The following RGS7 variants were observed in gnomAD, a reference collection of about 807,000 sequenced individuals.
RGS7 encodes the protein regulator of G-protein signaling 7.
A neutral mutation model predicts 81.1 loss-of-function variants in RGS7; 27 were observed. The observed-to-expected ratio is 0.33, with a 90% CI of 0.25 to 0.46. RGS7 has a LOEUF of 0.46. Among genes scored for constraint, RGS7 ranks in the 20% least tolerant of loss-of-function variants. The pLI is 1.00. For missense variants in RGS7, 396 were observed against 607.4 expected (o/e 0.65, Z 3.66); for synonymous variants, 208 against 207.7 (o/e 1.00, Z -0.01).
At chr1:240,961,143 T>C (rs1681359027) in intron 4 of RGS7, among the ~76,000 whole-genome samples, 2 of 151,840 alleles carry the variant, frequency 1.3e-5, no homozygotes, top group African/African-American at 4.8e-5. Context: ...AAGTAATGTA[T>C]ATAAATATAG....
At chr1:240,824,608 C>T (rs1216306381) in intron 10 of RGS7, among the ~76,000 whole-genome samples, 3 of 152,246 alleles carry the variant, frequency 2.0e-5, no homozygotes, top group African/African-American at 7.2e-5. Context: ...TTGCTGATTG[C>T]TGTCAAGGTA....
chr1:241,245,766 C>T (rs1049620984), intron 2 of RGS7, among the ~76,000 whole-genome samples: 2 of 151,508 alleles, frequency 1.3e-5, no homozygotes, highest in Non-Finnish European at 2.9e-5. Flanking sequence ...GAGATGGTGC[C>T]ACTGCACTCC....
chr1:241,239,166 A>G (rs1036345389), intron 2 of RGS7, among the ~76,000 whole-genome samples: 1 of 151,938 alleles, frequency 6.6e-6, no homozygotes, highest in Non-Finnish European at 1.5e-5. Context: ...GACGGGTTTC[A>G]TCATGTTAGC....
chr1:241,016,512 A>G (rs918158170), intron 3 of RGS7, among the ~76,000 whole-genome samples: 1 of 151,982 alleles, frequency 6.6e-6, no homozygotes, highest in South Asian at 2.1e-4. Flanking sequence ...GTGAGACTCA[A>G]TCTCAAAAAA....
At position 240,806,237 on chromosome 1, in the gene RGS7, G is replaced by C. The variant is rs1688820392; in HGVS notation, c.1172C>G (p.Pro391Arg). Residue 391 changes from proline (P) to arginine (R), a missense_variant, in exon 15 of 19, where the codon CCC becomes CGC. By Grantham distance (103) the Pro-to-Arg change is moderately radical. Transcript: ENST00000440928. ...CAAGTTAATAGCACTGGGGGCTCCG[G>C]GAGCCAGAAACTCTTGCCATATTTC... ...VQEIWQEFLA[P>R]GAPSAINLDS... 5 of 1,613,900 alleles carry C rather than the reference G, an allele frequency of 3.1e-6. No individual in the cohort carries two copies. Among genetic ancestry groups the C allele is most frequent in the Non-Finnish European group, 4.2e-6 (5 of 1,179,914 alleles).
At chr1:240,826,514 C>T (rs372569838) in intron 10 of RGS7, among the ~76,000 whole-genome samples, 11 of 152,294 alleles carry the variant, frequency 7.2e-5, no homozygotes, top group South Asian at 6.2e-4. Flanking sequence ...GCGACTGCTA[C>T]AGGCCAGAAA....
rs992229187 is a variant in RGS7, at chr1:241,053,569, T to C, written c.175+45097A>G. On this transcript the variant is annotated intron_variant, in intron 3 of 18. Transcript: ENST00000440928. ...ACTCTAGATGGCAAATATATTTAAA[T>C]GATTCTACTTTCATAGATCTTACTT... Among the ~76,000 whole-genome samples the C allele has an allele frequency of 5.3e-5, 8 of 152,364 alleles. No homozygotes were observed. The South Asian group carries it at 8.3e-4, about 16-fold the overall frequency.
chr1:240,831,212 CATGGGACAGCTA>C (rs1196798006), intron 9 of RGS7, among the ~76,000 whole-genome samples: 2 of 151,632 alleles, frequency 1.3e-5, no homozygotes, highest in African/African-American at 4.9e-5. Context: ...AATGAGGCCT[CATGGGACAGCTA>C]ATGGTTCAAC....
intron 6 of RGS7, among the ~76,000 whole-genome samples, chr1:240,879,519 A>G (rs1211030691): frequency 6.6e-6 from 1 of 152,080 alleles, no homozygotes; most frequent in African/African-American, 2.4e-5. Flanking sequence ...TCCTTTTCTC[A>G]AGTCTTCATC....
Position 240,816,845 on chromosome 1 carries a change from G to C in RGS7, c.685-430C>G, listed in dbSNP as rs1037057141. On this transcript the variant is annotated intron_variant, in intron 10 of 18. Transcript: ENST00000440928. The stretch of plus-strand genomic sequence containing the variant: ...CGATATTTTACATAGGAATTAAATG[G>C]GGCACTGAGGAGAGTGACAAGTCAA... Among the ~76,000 whole-genome samples the C allele has an allele frequency of 9.2e-5, 14 of 152,122 alleles. 1 individual carries two copies. The highest frequency in any genetic ancestry group is 9.2e-4 in the Admixed American group (14 of 15,280).
chr1:241,226,299 T>C (rs951332443), intron 2 of RGS7, among the ~76,000 whole-genome samples: 2 of 152,192 alleles, frequency 1.3e-5, no homozygotes, highest in African/African-American at 4.8e-5. Context: ...AGCTTCCTAC[T>C]GTCCTGGTGT....
At chr1:241,104,308 G>A (rs554663954) in intron 2 of RGS7, among the ~76,000 whole-genome samples, 6 of 152,092 alleles carry the variant, frequency 3.9e-5, no homozygotes, top group African/African-American at 7.2e-5. Flanking sequence ...TTTGTTAGAC[G>A]CAATAAATTG....
chr1:240,780,749 A>G (rs1336390474), intron 18 of RGS7, among the ~76,000 whole-genome samples: 2 of 151,650 alleles, frequency 1.3e-5, no homozygotes, highest in Non-Finnish European at 2.9e-5. Context: ...CCCCATCTCT[A>G]CTAAAAATAC....
intron 9 of RGS7, among the ~76,000 whole-genome samples, chr1:240,854,744 T>A (rs1261956727): frequency 6.6e-6 from 1 of 152,244 alleles, no homozygotes; most frequent in Non-Finnish European, 1.5e-5. Flanking sequence ...AGTAACAGCA[T>A]CTAACTTCTC....
intron 2 of RGS7, among the ~76,000 whole-genome samples, chr1:241,121,433 A>G (rs2066246815): frequency 1.3e-5 from 2 of 152,182 alleles, no homozygotes; most frequent in South Asian, 4.1e-4. Flanking sequence ...AAGAAACAAA[A>G]ACAAAGTCTC....
At chr1:240,954,558 G>GA (rs71172663) in intron 4 of RGS7, among the ~76,000 whole-genome samples, 81,959 of 151,190 alleles carry the variant, frequency 0.54, 22,376 homozygotes, top group East Asian at 0.62. Context: ...CCATGTAAAA[G>GA]AAAAAAAAAC....
intron 13 of RGS7, among the ~76,000 whole-genome samples, 167 bp from the exon 14 acceptor site, chr1:240,812,210 A>G (rs901825378): frequency 2.6e-5 from 4 of 152,152 alleles, no homozygotes; most frequent in African/African-American, 9.7e-5. Flanking sequence ...CATCGTGTAC[A>G]TTAGTATTAA....
chr1:240,952,067 T>G (rs537226769), intron 4 of RGS7, among the ~76,000 whole-genome samples: 1 of 152,020 alleles, frequency 6.6e-6, no homozygotes, highest in African/African-American at 2.4e-5. Context: ...GAGAAATAAA[T>G]ATTTTCTCAG....
chr1:241,298,362 CTT>C (rs1007192773), intron 2 of RGS7, among the ~76,000 whole-genome samples: 2 of 152,170 alleles, frequency 1.3e-5, no homozygotes, highest in African/African-American at 4.8e-5. Flanking sequence ...TGTGTGAAGA[CTT>C]TGCTGGAACT....
Sources: gnomAD v4.1 joint callset for allele counts (sites outside exome capture counted in the v4.1 genomes callset) on GRCh38, gnomAD v4.1.1 for gene constraint, MANE v1.5 for transcripts, NCBI Gene and HGNC (gene_info 2026-07-23, HGNC 2026-07-21) for gene names.